Variants in SGCZ observed in about 807,000 individuals in gnomAD.
SGCZ encodes the protein zeta-sarcoglycan.
A neutral mutation model predicts 41.3 loss-of-function variants in SGCZ; 40 were observed. The observed-to-expected ratio is 0.97, with a 90% CI of 0.75 to 1.26. The LOEUF (loss-of-function observed/expected upper bound fraction) is 1.26. SGCZ is among the 50% of genes most tolerant of loss of function. The pLI, the probability that SGCZ is intolerant of heterozygous loss-of-function variation, is 0.00. For synonymous variants in SGCZ, 206 were observed against 137.5 expected (o/e 1.50, Z -3.49); for missense variants, 552 against 369.8 (o/e 1.49, Z -4.04).
Position 14,313,910 on chromosome 8 carries a change from C to CTGTG in SGCZ, c.336+10189_336+10192dup, listed in dbSNP as rs34489718. Among the ~76,000 whole-genome samples the CTGTG allele has an allele frequency of 8.2e-3, 1,194 of 144,884 alleles. 15 individuals are homozygous for CTGTG. The highest frequency in any genetic ancestry group is 0.022 in the East Asian group (105 of 4,818). On this transcript the variant is annotated intron_variant, in intron 3 of 7. Transcript: ENST00000382080. The stretch of plus-strand genomic sequence containing the variant: ...AAAAGTATAGGGTTATATCATCTCT[C>CTGTG]TGTGTGTGTGTGTGTGTGTGTGTGT...
intron 1 of SGCZ, among the ~76,000 whole-genome samples, chr8:15,098,819 G>A (rs1806486628): frequency 6.6e-6 from 1 of 152,202 alleles, no homozygotes; most frequent in Non-Finnish European, 1.5e-5. Flanking sequence ...AGCACTTTGG[G>A]AGGCCGATGA....
intron 4 of SGCZ, among the ~76,000 whole-genome samples, chr8:14,205,326 T>C (rs1248550175): frequency 6.6e-6 from 1 of 152,188 alleles, no homozygotes; most frequent in Non-Finnish European, 1.5e-5. Context: ...TTGTGTATTG[T>C]CAAATCTTCA....
chr8:14,607,232 C>G (rs1298575626), intron 1 of SGCZ, among the ~76,000 whole-genome samples: 1 of 152,080 alleles, frequency 6.6e-6, no homozygotes, highest in East Asian at 1.9e-4. Context: ...AAAATGTAGT[C>G]TTTTGTTTCC....
chr8:14,270,288 T>C (rs1451195172), intron 3 of SGCZ, among the ~76,000 whole-genome samples: 2 of 152,022 alleles, frequency 1.3e-5, no homozygotes, highest in Non-Finnish European at 2.9e-5. Context: ...GCCGAGATCA[T>C]GCCACTGCAC....
Position 15,001,223 on chromosome 8 carries a change from G to A in SGCZ, c.39+236362C>T, listed in dbSNP as rs544397009. Among the ~76,000 whole-genome samples the A allele has an allele frequency of 1.4e-4, 21 of 152,310 alleles. 1 individual carries two copies. In the South Asian group the frequency reaches 1.4e-3, roughly 11 times the overall value. ...GACGAGAGAGAGAGAGACTGCTAAC[G>A]TGAGGATGAACTGTATCGTCACATT... On this transcript the variant is annotated intron_variant, in intron 1 of 7. Transcript: ENST00000382080.
intron 1 of SGCZ, among the ~76,000 whole-genome samples, chr8:15,142,737 G>A (rs1259045716): frequency 1.7e-5 from 2 of 121,064 alleles, no homozygotes; most frequent in Non-Finnish European, 3.2e-5. Context: ...TCAGCCTCCC[G>A]AGTAGCTGGG....
chr8:14,333,982 G>A (rs941886152), intron 2 of SGCZ, among the ~76,000 whole-genome samples: 1 of 152,078 alleles, frequency 6.6e-6, no homozygotes, highest in African/African-American at 2.4e-5. Context: ...GGCTAGAAAT[G>A]TGATCTGCTT....
chr8:14,683,397 G>T lies in SGCZ; in HGVS notation c.40-128471C>A, dbSNP rs549743168. ...CATTCAGAAGCAATATATAAAAAAA[G>T]AATTTAAGAATTGGAAAAAACTAAA... On this transcript the variant is annotated intron_variant, in intron 1 of 7. Coordinates refer to ENST00000382080, the MANE Select transcript of SGCZ (RefSeq NM_139167.4). Among the ~76,000 whole-genome samples the T allele has an allele frequency of 4.7e-4, 72 of 152,002 alleles. 1 individual carries two copies. In the South Asian group the frequency reaches 0.015, roughly 32 times the overall value.
intron 1 of SGCZ, among the ~76,000 whole-genome samples, chr8:14,762,702 C>G (rs1289545343): frequency 6.6e-6 from 1 of 152,102 alleles, no homozygotes; most frequent in Non-Finnish European, 1.5e-5. Context: ...TTTTTTCTGT[C>G]TTCTACAGTG....
chr8:14,417,084 G>A (rs1292191904), intron 2 of SGCZ, among the ~76,000 whole-genome samples: 1 of 151,760 alleles, frequency 6.6e-6, no homozygotes, highest in Non-Finnish European at 1.5e-5. Context: ...GACATATGAA[G>A]GGACGTTATT....
rs576337300 is a variant in SGCZ, at chr8:14,435,489, T to C, written c.235-111285A>G. Reference sequence around the variant, plus strand: ...CACTCCTGTTTGTTCTTATATCCCTTTACCCCAATCATGCGATCATATACT... The same window carrying C: ...CACTCCTGTTTGTTCTTATATCCCTCTACCCCAATCATGCGATCATATACT... On this transcript the variant is annotated intron_variant, in intron 2 of 7. Transcript: ENST00000382080. Among the ~76,000 whole-genome samples the C allele has an allele frequency of 3.2e-4, 49 of 152,138 alleles. 1 individual carries two copies. Among genetic ancestry groups the C allele is most frequent in the Admixed American group, 1.2e-3 (18 of 15,260 alleles).
At chr8:14,384,119 C>T (rs1804477363) in intron 2 of SGCZ, among the ~76,000 whole-genome samples, 1 of 151,930 alleles carries the variant, frequency 6.6e-6, no homozygotes, top group Non-Finnish European at 1.5e-5. Flanking sequence ...TCCCACCTCC[C>T]GCTACCCCAC....
In SGCZ at chr8:15,039,349, T is replaced by C. The variant is rs546259188; in HGVS notation, c.39+198236A>G. The stretch of plus-strand genomic sequence containing the variant: ...ACATGGATGAACCCAGATGACATTA[T>C]GTTAAGTGAAATCAGCCAGGCACAG... On this transcript the variant is annotated intron_variant, in intron 1 of 7. Transcript: ENST00000382080. 3.3e-5 allele frequency among the ~76,000 whole-genome samples: 5 copies of C among 152,326 alleles called. No individual in the cohort carries two copies. In the South Asian group the frequency reaches 1.0e-3, roughly 32 times the overall value.
intron 2 of SGCZ, among the ~76,000 whole-genome samples, chr8:14,535,307 T>C (rs1305236335): frequency 4.6e-5 from 7 of 151,702 alleles, no homozygotes; most frequent in Non-Finnish European, 7.4e-5. Flanking sequence ...TATATTTCCA[T>C]GAACAGGAAA....
At chr8:14,637,758 T>C (rs56083306) in intron 1 of SGCZ, among the ~76,000 whole-genome samples, 23,328 of 151,820 alleles carry the variant, frequency 0.15, 2,212 homozygotes, top group Admixed American at 0.23. Flanking sequence ...GTTTTTGCTA[T>C]TGTGAACAGT....
intron 1 of SGCZ, among the ~76,000 whole-genome samples, chr8:14,840,503 T>C (rs747828743): frequency 2.0e-5 from 3 of 152,122 alleles, no homozygotes; most frequent in Non-Finnish European, 4.4e-5. Flanking sequence ...CATCAAATTC[T>C]AGAAAATATC....
chr8:14,479,243 T>G (rs528191527), intron 2 of SGCZ, among the ~76,000 whole-genome samples: 1 of 151,638 alleles, frequency 6.6e-6, no homozygotes, highest in African/African-American at 2.4e-5. Flanking sequence ...GGTAAACCAC[T>G]GTTGTAGGTC....
chr8:14,979,401 G>A (rs1408591657), intron 1 of SGCZ, among the ~76,000 whole-genome samples: 1 of 152,148 alleles, frequency 6.6e-6, no homozygotes, highest in Admixed American at 6.5e-5. Context: ...CAGGAAATTT[G>A]TAGCCATTAA....
intron 3 of SGCZ, among the ~76,000 whole-genome samples, chr8:14,283,966 T>C (rs964148800): frequency 5.3e-5 from 8 of 152,266 alleles, no homozygotes; most frequent in Admixed American, 2.0e-4. Context: ...CTTTCATTTC[T>C]TTCAACTTTT....
Sources: gnomAD v4.1 joint callset for allele counts (sites outside exome capture counted in the v4.1 genomes callset) on GRCh38, gnomAD v4.1.1 for gene constraint, MANE v1.5 for transcripts, NCBI Gene and HGNC (gene_info 2026-07-23, HGNC 2026-07-21) for gene names.